Variants in CACNA1C observed in about 807,000 individuals in gnomAD.
CACNA1C encodes the protein calcium voltage-gated channel subunit alpha1 C, also known as voltage-dependent L-type calcium channel subunit alpha-1C.
Under a neutral mutation model 229.0 loss-of-function variants are expected in CACNA1C, and 30 were observed. That is an observed-to-expected ratio of 0.13 (90% CI 0.10 to 0.18). The LOEUF (loss-of-function observed/expected upper bound fraction) is 0.18. Ranked by LOEUF, CACNA1C falls within the 10% of genes least tolerant of loss-of-function variation. The probability of loss-of-function intolerance (pLI) is 1.00; values close to 1 mark genes in which losing one functional copy is unlikely to be tolerated. For missense variants in CACNA1C, 1,658 were observed against 2,845.0 expected, an observed-to-expected ratio of 0.58 and a Z score of 9.49; for synonymous variants, 1,114 against 1,132.5, an observed-to-expected ratio of 0.98 and a Z score of 0.33.
chr12:1,994,777 G>T (rs1256880026), intron 1 of CACNA1C, among the ~76,000 whole-genome samples: 4 of 152,158 alleles, frequency 2.6e-5, no homozygotes, highest in African/African-American at 4.8e-5. Context: ...CTCTTTAATA[G>T]TACAGCTACT....
intron 3 of CACNA1C, among the ~76,000 whole-genome samples, chr12:2,376,409 A>G (rs917040510): frequency 6.6e-6 from 1 of 152,110 alleles, no homozygotes; most frequent in Non-Finnish European, 1.5e-5. Flanking sequence ...AGGGGGGCAA[A>G]TAGCACCGAG....
rs2095216861 is a variant in CACNA1C at position 2,653,374 on chromosome 12, A to G, written c.4075-461A>G. On this transcript the variant is annotated intron_variant, in intron 32 of 46. Transcript: ENST00000399655. The surrounding 1 kb of genome is among the most constrained non-coding windows in gnomAD (Gnocchi z 4.7). ...TTTCTTTTAAATTTTTCCTTATTAA[A>G]TGTTTCCATTGCAATAGTAATACCC... is the stretch of plus-strand genomic sequence containing the variant. Among the ~76,000 whole-genome samples, 1 of 152,180 alleles carries G rather than the reference A, an allele frequency of 6.6e-6. No individual in the cohort carries two copies. Among genetic ancestry groups the G allele is most frequent in the Non-Finnish European group, 1.5e-5 (1 of 68,036 alleles).
chr12:2,681,962 T>A, intron 42 of CACNA1C: 1 of 1,602,232 alleles, frequency 6.2e-7, no homozygotes, highest in South Asian at 1.1e-5. Context: ...AAAGGCACGT[T>A]CCGATGTGTG....
intron 3 of CACNA1C, among the ~76,000 whole-genome samples, chr12:2,283,672 T>C (rs1315094025): frequency 6.6e-6 from 1 of 152,204 alleles, no homozygotes; most frequent in East Asian, 1.9e-4. Context: ...CAGGGAATCC[T>C]GTGAAAATGC....
chr12:2,398,495 G>A (rs1224984091), intron 3 of CACNA1C, among the ~76,000 whole-genome samples: 1 of 152,194 alleles, frequency 6.6e-6, no homozygotes, highest in African/African-American at 2.4e-5. Context: ...TCGGGAGACT[G>A]GCCACTCACC....
chr12:2,477,922 T>C (rs536726308), intron 5 of CACNA1C, among the ~76,000 whole-genome samples: 1 of 152,036 alleles, frequency 6.6e-6, no homozygotes, highest in South Asian at 2.1e-4. Flanking sequence ...CTCGTAGAAA[T>C]ATCTAGTAGG....
At position 2,633,511 on chromosome 12, in the gene CACNA1C, G is replaced by A. The variant is rs1037517608; in HGVS notation, c.3829-786G>A. On this transcript the variant is annotated intron_variant, in intron 29 of 46. Transcript: ENST00000399655. The surrounding 1 kb of genome is among the most constrained non-coding windows in gnomAD (Gnocchi z 5.8). ...GCTCCTGGCCATGGTGAGGGCGTCC[G>A]GAACTCCAGAGGCAACACGGAGGTG... 32 of 722,958 alleles carry A rather than the reference G, an allele frequency of 4.4e-5. No homozygotes were observed. The highest frequency in any genetic ancestry group is 2.5e-4 in the Admixed American group (11 of 44,330). The allele number at this position is 722,958 out of a possible 1,614,324, so 44.8% of individuals were successfully genotyped here.
intron 3 of CACNA1C, chr12:2,220,804 T>C (rs11062161): frequency 0.33 from 50,984 of 152,192 alleles, 9,119 homozygotes; most frequent in Non-Finnish European, 0.4. Flanking sequence ...CGAGGCACTT[T>C]GACAGGCACT....
intron 2 of CACNA1C, 79 bp downstream of exon 2, chr12:2,115,624 G>A (rs747540968): frequency 5.0e-6 from 7 of 1,399,134 alleles, no homozygotes; most frequent in Middle Eastern, 3.5e-4. Context: ...CCTGGGCCAC[G>A]AGCTGTGTCA....
intron 3 of CACNA1C, among the ~76,000 whole-genome samples, chr12:2,370,988 C>T (rs1441693391): frequency 6.6e-6 from 1 of 152,036 alleles, no homozygotes; most frequent in African/African-American, 2.4e-5. Flanking sequence ...AGTGAGGGAC[C>T]CCAGGGGAAC....
intron 3 of CACNA1C, among the ~76,000 whole-genome samples, chr12:2,412,895 T>C (rs1025146781): frequency 6.6e-6 from 1 of 152,224 alleles, no homozygotes; most frequent in Admixed American, 6.5e-5. Context: ...GAGAAAAGAC[T>C]CTGAAAAGCA....
At position 2,381,384 on chromosome 12, in the gene CACNA1C, C is replaced by T. The variant is rs571758900; in HGVS notation, c.478-67592C>T. ...ATGATTTTAGAACTTCCAAACCTAA[C>T]GTGTGTTGTCAGCTCAGACAAACTC... On this transcript the variant is annotated intron_variant, in intron 3 of 46. Transcript: ENST00000399655. Among the ~76,000 whole-genome samples the T allele has an allele frequency of 1.8e-4, 28 of 152,316 alleles. No individual in the cohort carries two copies. The South Asian group carries it at 5.8e-3, about 32-fold the overall frequency.
chr12:2,501,099 C>T (rs1032116264), intron 7 of CACNA1C, among the ~76,000 whole-genome samples: 15 of 146,832 alleles, frequency 1.0e-4, no homozygotes, highest in Non-Finnish European at 1.8e-4. Context: ...GTCCCTGCTA[C>T]TCGGGAGGCT....
intron 9 of CACNA1C, chr12:2,547,406 G>A (rs373758923): frequency 4.2e-5 from 33 of 778,254 alleles, no homozygotes; most frequent in Admixed American, 1.0e-4. Context: ...CTCTATTGAT[G>A]TCTTGTTCCT....
At chr12:2,427,019 A>C (rs2099038840) in intron 3 of CACNA1C, among the ~76,000 whole-genome samples, 1 of 152,232 alleles carries the variant, frequency 6.6e-6, no homozygotes, top group Admixed American at 6.5e-5. Context: ...TCTGGAAAAG[A>C]AGAGCTGCAA....
At chr12:2,081,025 C>T (rs1216890958) in intron 1 of CACNA1C, among the ~76,000 whole-genome samples, 1 of 152,156 alleles carries the variant, frequency 6.6e-6, no homozygotes, top group Non-Finnish European at 1.5e-5. Context: ...ATTATACCAG[C>T]ACACTGAGTA....
chr12:2,102,145 G>C (rs1286496111), intron 1 of CACNA1C, among the ~76,000 whole-genome samples: 1 of 152,218 alleles, frequency 6.6e-6, no homozygotes, highest in Admixed American at 6.5e-5. Flanking sequence ...AATGATAATA[G>C]ATACATTGAA....
intron 1 of CACNA1C, among the ~76,000 whole-genome samples, chr12:2,071,011 T>C: frequency 8.4e-6 from 1 of 118,602 alleles, no homozygotes; most frequent in Admixed American, 9.4e-5. Context: ...TCCTTCTCTT[T>C]CTCCTTCCTT....
chr12:2,639,255 A>G lies in CACNA1C; in HGVS notation c.3912+4875A>G, dbSNP rs542836929. 9.2e-5 allele frequency among the ~76,000 whole-genome samples: 14 copies of G among 152,266 alleles called. No individual in the cohort carries two copies. The highest frequency in any genetic ancestry group is 2.6e-4 in the African/African-American group (11 of 41,566). On this transcript the variant is annotated intron_variant, in intron 30 of 46. Transcript: ENST00000399655. The surrounding 1 kb of genome is among the most constrained non-coding windows in gnomAD (Gnocchi z 4.2). ...GTGCGATGTCCTGCTGCTCTAGGGAAGCCTCTTGCTCTTCCTCAGTGCTTG... is the reference window on the plus strand; with the variant it reads ...GTGCGATGTCCTGCTGCTCTAGGGAGGCCTCTTGCTCTTCCTCAGTGCTTG...
Sources: gnomAD v4.1 joint callset for allele counts (sites outside exome capture counted in the v4.1 genomes callset) on GRCh38, gnomAD v4.1.1 for gene constraint, Gnocchi (gnomAD v3.1) non-coding constraint, MANE v1.5 for transcripts, NCBI Gene and HGNC (gene_info 2026-07-23, HGNC 2026-07-21) for gene names.